The following KIAA1755 variants were observed in gnomAD, a reference collection of about 807,000 sequenced individuals.
KIAA1755 encodes uncharacterized protein KIAA1755.
Under a neutral mutation model 91.7 loss-of-function variants are expected in KIAA1755, and 68 were observed. The observed-to-expected ratio is 0.74, with a 90% CI of 0.61 to 0.91. The LOEUF (loss-of-function observed/expected upper bound fraction) is 0.91, where lower values mean the gene tolerates loss of function less well. Among genes scored for constraint, KIAA1755 ranks in the 40% least tolerant of loss-of-function variants. The pLI is 0.00. For missense variants in KIAA1755, 1,535 were observed against 1,494.4 expected (o/e 1.03, Z -0.45); for synonymous variants, 610 against 604.6 (o/e 1.01, Z -0.13).
chr20:38,244,113 C>T (rs1235365618), intron 2 of KIAA1755, among the ~76,000 whole-genome samples: 1 of 152,118 alleles, frequency 6.6e-6, no homozygotes, highest in African/African-American at 2.4e-5. Flanking sequence ...AACTCACCTA[C>T]AAGGAAAAAT....
chr20:38,222,205 C>T (rs2075671140), intron 10 of KIAA1755, among the ~76,000 whole-genome samples: 1 of 152,222 alleles, frequency 6.6e-6, no homozygotes, highest in Admixed American at 6.5e-5. Context: ...CCTCTGATGC[C>T]CATCCCAGGC....
chr20:38,241,636 G>A lies in KIAA1755; in HGVS notation c.495C>T (p.Cys165=). 1 of 1,614,266 alleles carries A rather than the reference G, an allele frequency of 6.2e-7. No individual in the cohort carries two copies. Among genetic ancestry groups the A allele is most frequent in the East Asian group, 2.2e-5 (1 of 44,886 alleles). Residue 165 remains cysteine (C), a synonymous_variant, in exon 3 of 14, where the codon TGC becomes TGT. Coordinates refer to ENST00000279024, the MANE Select transcript of KIAA1755 (RefSeq NM_001029864.2). The part of the protein sequence containing the change: ...SDFEGNPLHN[C]LVASENGIAP... ...CAATCCCATTTTCTGATGCTACCAA[G>A]CAGTTGTGTAGGGGATTTCCCTCAA... is the stretch of plus-strand genomic sequence containing the variant.
Position 38,213,377 on chromosome 20 carries a change from AC to A in KIAA1755, c.3267del (p.Arg1089SerfsTer7). ...AGTGAGTCTAGTGGAGGCTGATCCC[AC>A]CTCCCCTTGGAAGTGACCTCTACAC... ...GVSVEVTSKG[R>X]WDQPPLDSLG... On this transcript the variant is annotated frameshift_variant, in exon 14 of 14. Transcript: ENST00000279024. LOFTEE classifies it low-confidence loss of function (END_TRUNC). 1 of 1,603,002 alleles carries A rather than the reference AC, an allele frequency of 6.2e-7. No individual in the cohort carries two copies.
Position 38,227,210 on chromosome 20 carries a change from G to T in KIAA1755, c.1996C>A (p.Leu666Ile), listed in dbSNP as rs373632880. The change falls in exon 7 of 14, where the codon CTC becomes ATC. Residue 666 changes from leucine (L) to isoleucine (I), a missense_variant. Leu to Ile is a conservative substitution (Grantham distance 5). Coordinates refer to ENST00000279024, the MANE Select transcript of KIAA1755 (RefSeq NM_001029864.2). ...AQVPASIRAI[L>I]FLGEKEAALQ... is the part of the protein sequence containing the mutation. ...GCCGCCTCCTTCTCCCCCAGGAAGA[G>T]AATAGCCCGGATAGAGGCTGGGACC... is the stretch of plus-strand genomic sequence containing the variant. The T allele has an allele frequency of 6.2e-7, 1 of 1,613,834 alleles. No homozygotes were observed. The highest frequency in any genetic ancestry group is 8.5e-7 in the Non-Finnish European group (1 of 1,179,910).
chr20:38,240,596 T>C lies in KIAA1755; in HGVS notation c.1535A>G (p.Lys512Arg). ...SLYSPKPNRA[K>R]SLGKAGTTQT... ...GGGCATCTTACCTTTCCCCAAAGAT[T>C]TGGCTCGGTTGGGTTTAGGAGAGTA... The change falls in exon 3 of 14, where the codon AAA becomes AGA. Residue 512 changes from lysine to arginine, a missense_variant. Lys to Arg is a conservative substitution (Grantham distance 26). Transcript: ENST00000279024. The C allele has an allele frequency of 6.7e-7, 1 of 1,487,152 alleles. No individual in the cohort carries two copies. Among genetic ancestry groups the C allele is most frequent in the Non-Finnish European group, 8.9e-7 (1 of 1,117,958 alleles). The allele number at this position is 1,487,152 out of a possible 1,614,324, so 92.1% of individuals were successfully genotyped here.
chr20:38,217,554 G>A, intron 12 of KIAA1755, 80 bp from the exon 13 acceptor site: 1 of 1,004,566 alleles, frequency 1.0e-6, no homozygotes, highest in Non-Finnish European at 1.5e-6. Context: ...ACCTCCAGCT[G>A]CCTTGCTGGC....
At chr20:38,219,308 G>A (rs1020164677) in intron 11 of KIAA1755, among the ~76,000 whole-genome samples, 15 of 152,146 alleles carry the variant, frequency 9.9e-5, no homozygotes, top group Admixed American at 8.5e-4. Flanking sequence ...TTCCTCATCT[G>A]TGCAGTGGAT....
Position 38,223,556 on chromosome 20 carries a change from G to A in KIAA1755, c.2250C>T (p.Asp750=), listed in dbSNP as rs1022254233. ...GGCTCACCTGCATCCCCCCAGGGGGGTCGGCCTTCTCGAATTCCTCGATGG... is the reference window on the plus strand; with the variant it reads ...GGCTCACCTGCATCCCCCCAGGGGGATCGGCCTTCTCGAATTCCTCGATGG... ...QASIEEFEKA[D]PPGGMQEATR... Residue 750 remains aspartate (D), a synonymous_variant, in exon 9 of 14, where the codon GAC becomes GAT. Coordinates refer to ENST00000279024, the MANE Select transcript of KIAA1755 (RefSeq NM_001029864.2). The A allele has an allele frequency of 6.3e-7, 1 of 1,597,798 alleles. No individual in the cohort carries two copies. The highest frequency in any genetic ancestry group is 8.5e-7 in the Non-Finnish European group (1 of 1,173,584).
At position 38,213,745 on chromosome 20, in the gene KIAA1755, TG is replaced by T; in HGVS notation, c.2902-3del. The T allele has an allele frequency of 1.4e-6, 2 of 1,459,390 alleles. No homozygotes were observed. Among genetic ancestry groups the T allele is most frequent in the South Asian group, 1.4e-5 (1 of 70,042 alleles). 90.4% of individuals were successfully genotyped at this position (1,459,390 alleles called of 1,614,324 possible). On this transcript the variant is annotated splice_polypyrimidine_tract_variant and splice_region_variant and intron_variant, in intron 13 of 13. Coordinates refer to ENST00000279024, the MANE Select transcript of KIAA1755 (RefSeq NM_001029864.2). ...ACAGTCCATGTGGAACCAGGTCATCTGGGGGACAAGAAGAGAGGGAGGTGGG... is the reference window on the plus strand; with the variant it reads ...ACAGTCCATGTGGAACCAGGTCATCTGGGGACAAGAAGAGAGGGAGGTGGG...
intron 8 of KIAA1755, among the ~76,000 whole-genome samples, chr20:38,224,257 G>A (rs898532892): frequency 6.6e-6 from 1 of 152,138 alleles, no homozygotes; most frequent in Admixed American, 6.5e-5. Context: ...CATGTAGTGG[G>A]TCTACAGGTA....
chr20:38,241,566 C>T lies in KIAA1755; in HGVS notation c.565G>A (p.Asp189Asn). 1 of 1,614,240 alleles carries T rather than the reference C, an allele frequency of 6.2e-7. No individual in the cohort carries two copies. Among genetic ancestry groups the T allele is most frequent in the Non-Finnish European group, 8.5e-7 (1 of 1,180,042 alleles). ...TKITSPEFVD[D>N]RPQVVNALCQ... ...AGGGCATTCACTACTTGGGGTCTGTCATCCACAAACTCTGGGCTGGTTATC... is the reference window on the plus strand; with the variant it reads ...AGGGCATTCACTACTTGGGGTCTGTTATCCACAAACTCTGGGCTGGTTATC... The change falls in exon 3 of 14, where the codon GAC becomes AAC. Residue 189 changes from aspartate to asparagine, a missense_variant. Coordinates refer to ENST00000279024, the MANE Select transcript of KIAA1755 (RefSeq NM_001029864.2).
At chr20:38,222,320 C>T in intron 10 of KIAA1755, 129 bp downstream of exon 10, 1 of 946,426 alleles carries the variant, frequency 1.1e-6, no homozygotes, top group Non-Finnish European at 1.6e-6. Flanking sequence ...GATACAGGCC[C>T]TGCAACTACT....
At position 38,241,396 on chromosome 20, in the gene KIAA1755, A is replaced by T. The variant is rs1000333984; in HGVS notation, c.735T>A (p.Tyr245Ter). 6.2e-7 allele frequency: 1 copy of T among 1,614,044 alleles called. No individual in the cohort carries two copies. Among genetic ancestry groups the T allele is most frequent in the African/African-American group, 1.3e-5 (1 of 74,922 alleles). Residue 245 changes from tyrosine to a stop codon, truncating the protein, a stop_gained, in exon 3 of 14, where the codon TAT (tyrosine) becomes TAA (stop). Transcript: ENST00000279024. LOFTEE classifies it high-confidence loss of function. ...KGKGRTYGSKYPGLIKVEQAR... is the reference protein window; with the variant it reads ...KGKGRTYGSK ...CTTGCTCCACCTTGATGAGTCCTGG[A>T]TACTTGCTCCCATATGTCCTGCCCT... is the stretch of plus-strand genomic sequence containing the variant.
chr20:38,231,187 G>C lies in KIAA1755; in HGVS notation c.1871+15C>G, dbSNP rs762309360. 6.2e-7 allele frequency: 1 copy of C among 1,608,452 alleles called. No individual in the cohort carries two copies. Among genetic ancestry groups the C allele is most frequent in the Non-Finnish European group, 8.5e-7 (1 of 1,177,452 alleles). ...GAGGTGGGGATGGAGCAGTCAGGGT[G>C]GCCCAGATCCTTACCTGGGGATGGT... On this transcript the variant is annotated intron_variant, in intron 5 of 13. Coordinates refer to ENST00000279024, the MANE Select transcript of KIAA1755 (RefSeq NM_001029864.2).
Position 38,222,545 on chromosome 20 carries a change from C to G in KIAA1755, c.2321G>C (p.Arg774Thr), listed in dbSNP as rs770635860. 6.9e-5 allele frequency: 112 copies of G among 1,613,456 alleles called. No individual in the cohort carries two copies. Among genetic ancestry groups the G allele is most frequent in the South Asian group, 1.1e-4 (10 of 91,092 alleles). ...CTGGAGGCCCAGTAGGCCGGGGTCC[C>G]TCAGCACAGCCTCCATCAGCTCCTT... is the stretch of plus-strand genomic sequence containing the variant. ...KSKELMEAVL[R>T]DPGLLGLQRE... Residue 774 changes from arginine to threonine, a missense_variant, in exon 10 of 14, where the codon AGG (arginine) becomes ACG (threonine). Coordinates refer to ENST00000279024, the MANE Select transcript of KIAA1755 (RefSeq NM_001029864.2).
At chr20:38,253,927 A>G (rs910654203) in intron 1 of KIAA1755, among the ~76,000 whole-genome samples, 3 of 152,184 alleles carry the variant, frequency 2.0e-5, no homozygotes, top group African/African-American at 7.2e-5. Context: ...CTTGTTGCCC[A>G]GGCTGGAGTG....
In KIAA1755 at chr20:38,218,774, GAGA is replaced by G. The variant is rs373010130; in HGVS notation, c.2557-411_2557-409del. ...GCGCGTGCACATGCAAACAGTGCTG[GAGA>G]AGAAGCTGCAGGCTGCAGAGGAAAG... On this transcript the variant is annotated intron_variant, in intron 11 of 13. Coordinates refer to ENST00000279024, the MANE Select transcript of KIAA1755 (RefSeq NM_001029864.2). Among the ~76,000 whole-genome samples, 494 of 152,302 alleles carry G rather than the reference GAGA, an allele frequency of 3.2e-3. 5 individuals carry two copies. Among genetic ancestry groups the G allele is most frequent in the African/African-American group, 0.011 (463 of 41,550 alleles).
chr20:38,238,054 T>C (rs6069326), intron 4 of KIAA1755, among the ~76,000 whole-genome samples: 44,711 of 151,854 alleles, frequency 0.29, 6,718 homozygotes, highest in Middle Eastern at 0.46. Flanking sequence ...GTCCTATCTG[T>C]CTATTCTCCT....
rs1323956198 is a variant in KIAA1755 at position 38,258,397 on chromosome 20, TACTAA to T, written c.3+2096_3+2100del. 2.6e-5 allele frequency among the ~76,000 whole-genome samples: 4 copies of T among 152,376 alleles called. No homozygotes were observed. The East Asian group carries it at 5.8e-4, about 22-fold the overall frequency. On this transcript the variant is annotated intron_variant, in intron 1 of 13. Coordinates refer to ENST00000279024, the MANE Select transcript of KIAA1755 (RefSeq NM_001029864.2). ...GGATGTGTAAAAGTTGTTTCAGTGATACTAACATTTGGGAACCATGGGACAGGATC... is the reference window on the plus strand; with the variant it reads ...GGATGTGTAAAAGTTGTTTCAGTGATCATTTGGGAACCATGGGACAGGATC...
Sources: allele counts gnomAD v4.1 joint callset (sites outside exome capture counted in the v4.1 genomes callset), GRCh38; gene constraint gnomAD v4.1.1; transcripts MANE v1.5; gene names NCBI Gene and HGNC (gene_info 2026-07-23, HGNC 2026-07-21).